The following TCF12 variants were observed in gnomAD, a reference collection of about 807,000 sequenced individuals.
TCF12 encodes the protein transcription factor 12.
TCF12 carries 45 observed loss-of-function variants against 86.0 expected under a neutral mutation model. The ratio of observed to expected loss-of-function variants is 0.52; its 90% CI spans 0.41 to 0.67. The LOEUF (loss-of-function observed/expected upper bound fraction) is 0.67, where lower values mean the gene tolerates loss of function less well. TCF12 is among the 30% of genes least tolerant of loss of function. TCF12 has a pLI of 0.00. For synonymous variants in TCF12, 330 were observed against 299.6 expected, an observed-to-expected ratio of 1.10 and a Z score of -1.05; for missense variants, 881 against 859.9, an observed-to-expected ratio of 1.02 and a Z score of -0.31.
chr15:56,984,249 G>GGTGTGTGTGTGTGT (rs56221122), intron 3 of TCF12, among the ~76,000 whole-genome samples: 2,239 of 122,982 alleles, frequency 0.018, 28 homozygotes, highest in Non-Finnish European at 0.023. Flanking sequence ...GCATGTGCAT[G>GGTGTGTGTGTGTGT]GTGTGTGTGT....
intron 4 of TCF12, among the ~76,000 whole-genome samples, chr15:57,086,170 T>C (rs2048610009): frequency 6.7e-6 from 1 of 149,784 alleles, no homozygotes; most frequent in African/African-American, 2.4e-5. Context: ...GTCCCTGTGC[T>C]CTCAGAATTT....
At chr15:57,125,331 A>T (rs1285764656) in intron 5 of TCF12, among the ~76,000 whole-genome samples, 1 of 152,230 alleles carries the variant, frequency 6.6e-6, no homozygotes, top group Non-Finnish European at 1.5e-5. Flanking sequence ...TATAAGTTCT[A>T]TTGTAGTAGA....
chr15:56,952,587 A>G (rs1008713012), intron 3 of TCF12, among the ~76,000 whole-genome samples: 6 of 152,100 alleles, frequency 3.9e-5, no homozygotes, highest in African/African-American at 1.2e-4. Context: ...TTTTCACTGT[A>G]TAGGTCTCAA....
intron 5 of TCF12, among the ~76,000 whole-genome samples, chr15:57,096,835 A>T (rs770315618): frequency 1.3e-5 from 2 of 152,168 alleles, no homozygotes; most frequent in Admixed American, 6.5e-5. Context: ...AACTCATTTA[A>T]CAGGTTGGGT....
At chr15:57,223,616 T>C (rs1206824302) in intron 8 of TCF12, among the ~76,000 whole-genome samples, 1 of 144,054 alleles carries the variant, frequency 6.9e-6, no homozygotes, top group Admixed American at 7.1e-5. Context: ...GGTTTAGCCA[T>C]GGTTTTGGCA....
At chr15:57,225,246 T>TTTTTTTTTTTTTTTTTTG (rs1566943537) in intron 8 of TCF12, among the ~76,000 whole-genome samples, 2 of 135,162 alleles carry the variant, frequency 1.5e-5, no homozygotes, top group African/African-American at 2.9e-5. Flanking sequence ...TTTTTTTTTT[T>TTTTTTTTTTTTTTTTTTG]TTTTTAAGAC....
intron 16 of TCF12, among the ~76,000 whole-genome samples, chr15:57,261,829 C>A (rs1279727433): frequency 6.6e-6 from 1 of 151,976 alleles, no homozygotes; most frequent in African/African-American, 2.4e-5. Flanking sequence ...CTCACAAACA[C>A]CCTCTGTGGG....
At chr15:57,070,896 A>G (rs1214550427) in intron 4 of TCF12, among the ~76,000 whole-genome samples, 1 of 152,186 alleles carries the variant, frequency 6.6e-6, no homozygotes, top group Non-Finnish European at 1.5e-5. Context: ...ATCTATGGGC[A>G]GAGGCAACCT....
chr15:56,927,503 T>A (rs1392273056), intron 3 of TCF12, among the ~76,000 whole-genome samples: 1 of 152,270 alleles, frequency 6.6e-6, no homozygotes, highest in Admixed American at 6.5e-5. Context: ...CATTTTCTCC[T>A]GTTATTAACT....
At chr15:57,131,233 G>T (rs1290815606) in intron 5 of TCF12, among the ~76,000 whole-genome samples, 1 of 152,110 alleles carries the variant, frequency 6.6e-6, no homozygotes, top group African/African-American at 2.4e-5. Flanking sequence ...GTTTAATTCT[G>T]CCTGTTGCTT....
intron 3 of TCF12, among the ~76,000 whole-genome samples, chr15:56,937,484 C>T (rs530035184): frequency 2.6e-5 from 4 of 151,764 alleles, no homozygotes; most frequent in South Asian, 4.2e-4. Flanking sequence ...TCTAAGTGTA[C>T]GATCATATCA....
intron 4 of TCF12, among the ~76,000 whole-genome samples, chr15:57,079,017 A>C (rs1362502785): frequency 6.6e-6 from 1 of 152,236 alleles, no homozygotes; most frequent in African/African-American, 2.4e-5. Flanking sequence ...ATTATGTGCA[A>C]ATGTAATTAA....
At chr15:56,968,210 G>A (rs1165608508) in intron 3 of TCF12, among the ~76,000 whole-genome samples, 2 of 152,134 alleles carry the variant, frequency 1.3e-5, no homozygotes, top group Non-Finnish European at 2.9e-5. Context: ...ACCTGCCTTG[G>A]CCTCCCAAAG....
chr15:57,056,978 G>A (rs1277154625), intron 3 of TCF12, among the ~76,000 whole-genome samples: 1 of 151,936 alleles, frequency 6.6e-6, no homozygotes, highest in Non-Finnish European at 1.5e-5. Flanking sequence ...AAGAATTTTG[G>A]ATATTATGAG....
chr15:57,029,188 A>G (rs1258593332), intron 3 of TCF12, among the ~76,000 whole-genome samples: 5 of 152,112 alleles, frequency 3.3e-5, no homozygotes, highest in African/African-American at 9.7e-5. Context: ...CTTCCACTAC[A>G]TAATTGGTTG....
intron 5 of TCF12, among the ~76,000 whole-genome samples, chr15:57,124,556 A>G (rs1403536476): frequency 6.6e-6 from 1 of 152,190 alleles, no homozygotes; most frequent in African/African-American, 2.4e-5. Flanking sequence ...TTCTTCTACA[A>G]AATGAAGAAA....
At chr15:57,083,051 A>G (rs1302616208) in intron 4 of TCF12, among the ~76,000 whole-genome samples, 1 of 152,162 alleles carries the variant, frequency 6.6e-6, no homozygotes, top group Admixed American at 6.5e-5. Context: ...TGAATAAAGA[A>G]AAAGAGATAC....
chr15:56,935,744 A>G (rs188177126), intron 3 of TCF12, among the ~76,000 whole-genome samples: 48 of 152,182 alleles, frequency 3.2e-4, no homozygotes, highest in Admixed American at 2.9e-3. Flanking sequence ...TCCATTCCTG[A>G]GTTAACTTCT....
At chr15:57,075,832 C>CTTT (rs763415761) in intron 4 of TCF12, among the ~76,000 whole-genome samples, 2,427 of 55,900 alleles carry the variant, frequency 0.043, 163 homozygotes, top group Middle Eastern at 0.082. Context: ...CTCTCTCTCT[C>CTTT]TCTTTTCTTT....
Sources: gnomAD v4.1 joint callset for allele counts (sites outside exome capture counted in the v4.1 genomes callset) on GRCh38, gnomAD v4.1.1 for gene constraint, MANE v1.5 for transcripts, NCBI Gene and HGNC (gene_info 2026-07-23, HGNC 2026-07-21) for gene names.